The following ITPR2 variants were observed in gnomAD, a reference collection of about 807,000 sequenced individuals.
The protein encoded by ITPR2 is inositol 1,4,5-trisphosphate-gated calcium channel ITPR2.
In ITPR2, 207 loss-of-function variants were observed where a neutral mutation model predicts 317.1. The observed-to-expected ratio is 0.65, with a 90% CI of 0.58 to 0.73. The LOEUF (loss-of-function observed/expected upper bound fraction) is 0.73. Among genes scored for constraint, ITPR2 ranks in the 30% least tolerant of loss-of-function variants. The pLI is 0.00. For synonymous variants in ITPR2, 1,156 were observed against 1,149.1 expected, an observed-to-expected ratio of 1.01 and a Z score of -0.12; for missense variants, 2,613 against 3,284.0, an observed-to-expected ratio of 0.80 and a Z score of 4.99.
intron 31 of ITPR2, among the ~76,000 whole-genome samples, chr12:26,596,098 C>T (rs1378289608): frequency 6.6e-6 from 1 of 152,204 alleles, no homozygotes; most frequent in Non-Finnish European, 1.5e-5. Flanking sequence ...ATAAAGCAAA[C>T]TGTGTGTGCA....
At chr12:26,438,192 C>G (rs1941404735) in intron 47 of ITPR2, among the ~76,000 whole-genome samples, 1 of 152,276 alleles carries the variant, frequency 6.6e-6, no homozygotes, top group African/African-American at 2.4e-5. Flanking sequence ...CCATAAGGCT[C>G]TACATGGTAA....
At chr12:26,486,862 C>T (rs547910938) in intron 40 of ITPR2, 2 of 687,290 alleles carry the variant, frequency 2.9e-6, no homozygotes, top group African/African-American at 1.8e-5. Flanking sequence ...CCGTTGGTTG[C>T]TTTGCACTGA....
In ITPR2 at chr12:26,715,754, C is replaced by A. The variant is rs769018673; in HGVS notation, c.706G>T (p.Gly236Ter). 1 of 1,585,988 alleles carries A rather than the reference C, an allele frequency of 6.3e-7. No individual in the cohort carries two copies. The highest frequency in any genetic ancestry group is 8.7e-7 in the Non-Finnish European group (1 of 1,155,760). The change falls in exon 7 of 57, where the codon GGA (glycine) becomes TGA (stop). Residue 236 changes from glycine (G) to a stop codon, truncating the protein, a stop_gained and splice_region_variant. Coordinates refer to ENST00000381340, the MANE Select transcript of ITPR2 (RefSeq NM_002223.4). LOFTEE classifies it high-confidence loss of function. The stretch of plus-strand genomic sequence containing the variant: ...TGTCCTGTGTAGCACATACTTACTC[C>A]TTTTAATACATCCTCTCGATAGGAA... Reference protein sequence around the residue: ...YSSYREDVLKGGDVVRLFHAE... With the variant: ...YSSYREDVLK
chr12:26,391,555 CCTTTTTTT>C (rs1420692560), intron 54 of ITPR2, among the ~76,000 whole-genome samples: 12 of 70,854 alleles, frequency 1.7e-4, no homozygotes, highest in South Asian at 5.8e-4. Context: ...TTCTTCTTTT[CCTTTTTTT>C]TTTTTTTTTT....
chr12:26,732,441 G>A (rs954309469), intron 2 of ITPR2, among the ~76,000 whole-genome samples: 1 of 152,184 alleles, frequency 6.6e-6, no homozygotes, highest in Non-Finnish European at 1.5e-5. Flanking sequence ...GCCCTGACAA[G>A]TGACTGCCTG....
intron 10 of ITPR2, among the ~76,000 whole-genome samples, chr12:26,692,608 G>A (rs1948261699): frequency 2.0e-5 from 3 of 152,136 alleles, no homozygotes; most frequent in Non-Finnish European, 1.5e-5. Flanking sequence ...AATGTTTACA[G>A]GGTCCCTGTG....
intron 26 of ITPR2, among the ~76,000 whole-genome samples, chr12:26,614,133 T>C (rs989554072): frequency 6.6e-6 from 1 of 152,014 alleles, no homozygotes; most frequent in Non-Finnish European, 1.5e-5. Flanking sequence ...TAAACCTATT[T>C]TAAGTACATT....
chr12:26,558,172 A>T (rs898831596), intron 35 of ITPR2, among the ~76,000 whole-genome samples: 1 of 152,226 alleles, frequency 6.6e-6, no homozygotes, highest in African/African-American at 2.4e-5. Flanking sequence ...AAGTGGGGAG[A>T]GCATGTTTAT....
chr12:26,767,778 TTCTTC>T (rs1460297473), intron 2 of ITPR2, among the ~76,000 whole-genome samples: 1 of 152,250 alleles, frequency 6.6e-6, no homozygotes, highest in African/African-American at 2.4e-5. Context: ...TTAAATCTTT[TTCTTC>T]TTTTTATATA....
At chr12:26,807,601 C>T (rs1050411828) in intron 1 of ITPR2, among the ~76,000 whole-genome samples, 12 of 152,172 alleles carry the variant, frequency 7.9e-5, no homozygotes, top group African/African-American at 2.7e-4. Flanking sequence ...TCCTATAATG[C>T]TCTCCTAGTT....
chr12:26,682,544 G>GA (rs2136962480), intron 12 of ITPR2, 30 bp downstream of exon 12: 1 of 1,432,552 alleles, frequency 7.0e-7, no homozygotes, highest in African/African-American at 1.4e-5. Flanking sequence ...GCATTTGGCT[G>GA]AAAATTAAAC....
chr12:26,607,999 T>A (rs1183954614), intron 26 of ITPR2, among the ~76,000 whole-genome samples: 4 of 152,124 alleles, frequency 2.6e-5, no homozygotes, highest in African/African-American at 9.7e-5. Flanking sequence ...CGGGCACCTG[T>A]AGTCCCGGCT....
intron 54 of ITPR2, among the ~76,000 whole-genome samples, chr12:26,395,591 T>TTA (rs1939973148): frequency 8.7e-6 from 1 of 114,310 alleles, no homozygotes; most frequent in Non-Finnish European, 2.1e-5. Flanking sequence ...ATTATGACCG[T>TTA]GAAAAAAAGG....
intron 21 of ITPR2, among the ~76,000 whole-genome samples, chr12:26,640,639 T>A (rs186220366): frequency 6.6e-6 from 1 of 152,298 alleles, no homozygotes; most frequent in East Asian, 1.9e-4. Flanking sequence ...GAATCATCTA[T>A]GTAGTAACTC....
intron 21 of ITPR2, among the ~76,000 whole-genome samples, chr12:26,647,043 A>G (rs145415842): frequency 1.2e-4 from 19 of 152,342 alleles, no homozygotes; most frequent in African/African-American, 3.8e-4. Context: ...GATGGGCAGG[A>G]AGACAACAGT....
chr12:26,812,741 G>A (rs1049017847), intron 1 of ITPR2, among the ~76,000 whole-genome samples: 4 of 152,210 alleles, frequency 2.6e-5, no homozygotes, highest in Non-Finnish European at 5.9e-5. Context: ...ATATAAAGAT[G>A]AAGAATTTAA....
At chr12:26,340,422 C>T (rs993891407) in intron 55 of ITPR2, 94 bp from the exon 56 acceptor site, 37 of 1,253,322 alleles carry the variant, frequency 3.0e-5, no homozygotes, top group Non-Finnish European at 3.7e-5. Context: ...AAACCAAAGT[C>T]TCTTAGCACT....
intron 1 of ITPR2, among the ~76,000 whole-genome samples, chr12:26,811,715 G>A (rs1454567077): frequency 1.3e-5 from 2 of 149,896 alleles, no homozygotes; most frequent in Non-Finnish European, 3.0e-5. Context: ...TTAGCCGGGC[G>A]TGGTGGCGGG....
At chr12:26,490,230 A>C (rs991871268) in intron 39 of ITPR2, among the ~76,000 whole-genome samples, 10 of 152,232 alleles carry the variant, frequency 6.6e-5, no homozygotes, top group African/African-American at 2.4e-4. Context: ...TTACAACCAA[A>C]CAAAGTAGCA....
Sources: allele counts gnomAD v4.1 joint callset (sites outside exome capture counted in the v4.1 genomes callset), GRCh38; gene constraint gnomAD v4.1.1; transcripts MANE v1.5; gene names NCBI Gene and HGNC (gene_info 2026-07-23, HGNC 2026-07-21).